RAB18: variants seen among roughly 807,000 people sequenced by gnomAD.
RAB18 encodes RAB18, member RAS oncogene family, also known as ras-related protein Rab-18.
RAB18 carries 10 observed loss-of-function variants against 28.5 expected under a neutral mutation model. The observed-to-expected ratio is 0.35, with a 90% CI of 0.22 to 0.60. RAB18 has a LOEUF of 0.60. Ranked by LOEUF, RAB18 falls within the 20% of genes least tolerant of loss-of-function variation. The pLI is 0.78. For missense variants in RAB18, 188 were observed against 244.2 expected, an observed-to-expected ratio of 0.77 and a Z score of 1.53; for synonymous variants, 93 against 86.9, an observed-to-expected ratio of 1.07 and a Z score of -0.39.
chr10:27,538,484 T>C lies in RAB18; in HGVS notation c.*433T>C, dbSNP rs1834948271. On this transcript the variant is annotated 3_prime_UTR_variant, in exon 7 of 7. Transcript: ENST00000356940. ...TATCATCAAACGTGGCAAATTTTCT[T>C]TCAGGAATAATAAAGAGCATGATTC... 2.2e-6 allele frequency: 1 copy of C among 454,650 alleles called. No individual in the cohort carries two copies. The allele number at this position is 454,650 out of a possible 1,614,324, so 28.2% of individuals were successfully genotyped here.
chr10:27,514,365 G>A (rs1048041563), intron 2 of RAB18: 2 of 152,156 alleles, frequency 1.3e-5, no homozygotes, highest in African/African-American at 2.4e-5. Flanking sequence ...AGAGCACAAC[G>A]CACTTGACAT....
At chr10:27,533,707 A>G (rs1452349221) in intron 4 of RAB18, 28 bp from the exon 5 acceptor site, 2 of 1,609,888 alleles carry the variant, frequency 1.2e-6, no homozygotes, top group East Asian at 2.2e-5. Context: ...TTTAATGCTT[A>G]TTTAACAAAT....
At chr10:27,522,604 C>T (rs1331924833) in intron 2 of RAB18, among the ~76,000 whole-genome samples, 1 of 152,056 alleles carries the variant, frequency 6.6e-6, no homozygotes, top group African/African-American at 2.4e-5. Flanking sequence ...AGTTTTTGTT[C>T]CTGAATTCTT....
chr10:27,533,712 A>T (rs771489571), intron 4 of RAB18, 23 bp from the exon 5 acceptor site: 1 of 1,610,814 alleles, frequency 6.2e-7, no homozygotes, highest in South Asian at 1.1e-5. Context: ...TGCTTATTTA[A>T]CAAATGACTC....
At chr10:27,509,749 A>G (rs1431701409) in intron 1 of RAB18, 126 bp from the exon 2 acceptor site, 15 of 781,066 alleles carry the variant, frequency 1.9e-5, no homozygotes, top group Non-Finnish European at 3.1e-5. Flanking sequence ...CAGTATTCCT[A>G]GGAACAGGCC....
rs775347085 is a variant in RAB18, at chr10:27,504,310, C to A, written c.-60C>A. On this transcript the variant is annotated 5_prime_UTR_variant, in exon 1 of 7. It adds an upstream start codon to the 5' untranslated region. Coordinates refer to ENST00000356940, the MANE Select transcript of RAB18 (RefSeq NM_021252.5). ...CGCGCATGCGCAGCAGCTCACTCTG[C>A]TGAAGGGCTGAGAGGCGCACCCGGG... 1 of 1,515,138 alleles carries A rather than the reference C, an allele frequency of 6.6e-7. No homozygotes were observed. The allele number at this position is 1,515,138 out of a possible 1,614,324, so 93.9% of individuals were successfully genotyped here.
rs1301605021 is a variant in RAB18, at chr10:27,539,254, C to T, written c.*1203C>T. 1.9e-5 allele frequency: 6 copies of T among 308,862 alleles called. No individual in the cohort carries two copies. The highest frequency in any genetic ancestry group is 3.8e-5 in the Non-Finnish European group (6 of 159,908). 19.1% of individuals were successfully genotyped at this position (308,862 alleles called of 1,614,324 possible). ...ACTGATCTCTGCTATTTTAACCCCC[C>T]AAATAAGTTATTTGTCCTTTAAGGT... On this transcript the variant is annotated 3_prime_UTR_variant, in exon 7 of 7. Coordinates refer to ENST00000356940, the MANE Select transcript of RAB18 (RefSeq NM_021252.5).
intron 2 of RAB18, among the ~76,000 whole-genome samples, chr10:27,520,330 CCT>C (rs1834520819): frequency 6.6e-6 from 1 of 151,520 alleles, no homozygotes; most frequent in African/African-American, 2.4e-5. Context: ...TAGTAATGAC[CCT>C]GTTTTCATAT....
At chr10:27,536,696 A>G (rs1834907541) in intron 6 of RAB18, among the ~76,000 whole-genome samples, 1 of 152,196 alleles carries the variant, frequency 6.6e-6, no homozygotes, top group South Asian at 2.1e-4. Context: ...CCTGGAAGTC[A>G]AGGGAACAAC....
At chr10:27,506,564 C>T (rs1220729225) in intron 1 of RAB18, among the ~76,000 whole-genome samples, 1 of 152,102 alleles carries the variant, frequency 6.6e-6, no homozygotes, top group Non-Finnish European at 1.5e-5. Context: ...TCAACAGATC[C>T]TCCTGCCTTG....
Position 27,533,779 on chromosome 10 carries a change from T to C in RAB18, c.304T>C (p.Trp102Arg). The change falls in exon 5 of 7, where the codon TGG (tryptophan) becomes CGG (arginine). Residue 102 changes from tryptophan (W) to arginine (R), a missense_variant. Physicochemically the swap from Trp to Arg is moderately radical, Grantham distance 101. Coordinates refer to ENST00000356940, the MANE Select transcript of RAB18 (RefSeq NM_021252.5). ...AGATACATTTGTTAAACTGGATAAT[T>C]GGTTAAATGAATTGGAAACATACTG... ...RRDTFVKLDN[W>R]LNELETYCTR... The C allele has an allele frequency of 6.2e-7, 1 of 1,613,756 alleles. No homozygotes were observed. The highest frequency in any genetic ancestry group is 8.5e-7 in the Non-Finnish European group (1 of 1,179,804).
intron 2 of RAB18, among the ~76,000 whole-genome samples, chr10:27,510,836 T>C (rs577671191): frequency 6.6e-6 from 1 of 152,358 alleles, no homozygotes; most frequent in African/African-American, 2.4e-5. Flanking sequence ...TATGTCTATT[T>C]TTAAAATTTT....
At chr10:27,519,940 A>G (rs889321125) in intron 2 of RAB18, among the ~76,000 whole-genome samples, 14 of 152,186 alleles carry the variant, frequency 9.2e-5, no homozygotes, top group Non-Finnish European at 7.4e-5. Flanking sequence ...TATATGGTGT[A>G]TATCATGTTG....
At position 27,539,008 on chromosome 10, in the gene RAB18, CACTA is replaced by C; in HGVS notation, c.*959_*962del. The C allele has an allele frequency of 2.3e-6, 1 of 429,796 alleles. No individual in the cohort carries two copies. The highest frequency in any genetic ancestry group is 4.7e-6 in the Non-Finnish European group (1 of 212,932). The allele number at this position is 429,796 out of a possible 1,614,324, so 26.6% of individuals were successfully genotyped here. On this transcript the variant is annotated 3_prime_UTR_variant, in exon 7 of 7. Coordinates refer to ENST00000356940, the MANE Select transcript of RAB18 (RefSeq NM_021252.5). ...TGTTTTGAGGGGTGGGGAAAAAAAA[CACTA>C]AGTGATAATTTGAAAAAGGCATATT...
At chr10:27,536,341 A>C (rs1383629622) in intron 6 of RAB18, among the ~76,000 whole-genome samples, 1 of 152,138 alleles carries the variant, frequency 6.6e-6, no homozygotes, top group Non-Finnish European at 1.5e-5. Flanking sequence ...GAACGTGGAT[A>C]GAAAAGGGCT....
intron 6 of RAB18, among the ~76,000 whole-genome samples, chr10:27,536,064 A>G (rs1834892144): frequency 7.8e-6 from 1 of 127,394 alleles, no homozygotes; most frequent in Non-Finnish European, 1.8e-5. Context: ...CCTGGGCGAC[A>G]GAGCGAGACT....
intron 6 of RAB18, among the ~76,000 whole-genome samples, chr10:27,534,720 C>T (rs1338680324): frequency 1.3e-5 from 2 of 152,188 alleles, no homozygotes; most frequent in Non-Finnish European, 2.9e-5. Context: ...ATTGAAAGCA[C>T]TCTAGTTGAT....
intron 2 of RAB18, among the ~76,000 whole-genome samples, chr10:27,524,746 T>A (rs1477095000): frequency 6.6e-6 from 1 of 152,226 alleles, no homozygotes; most frequent in African/African-American, 2.4e-5. Flanking sequence ...AGACTCCCAC[T>A]GCTGCTACCA....
At chr10:27,523,934 C>T (rs536337168) in intron 2 of RAB18, among the ~76,000 whole-genome samples, 1 of 151,732 alleles carries the variant, frequency 6.6e-6, no homozygotes, top group Non-Finnish European at 1.5e-5. Context: ...AAAAAATTAG[C>T]CGGGCGTGGT....
Sources: allele counts gnomAD v4.1 joint callset (sites outside exome capture counted in the v4.1 genomes callset), GRCh38; gene constraint gnomAD v4.1.1; transcripts MANE v1.5; gene names NCBI Gene and HGNC (gene_info 2026-07-23, HGNC 2026-07-21).